CEP70: variants seen among roughly 807,000 people sequenced by gnomAD.
CEP70 encodes centrosomal protein of 70 kDa.
CEP70 carries 70 observed loss-of-function variants against 90.9 expected under a neutral mutation model. That is an observed-to-expected ratio of 0.77 (90% CI 0.64 to 0.94). CEP70 has a LOEUF of 0.94. CEP70 is among the 40% of genes least tolerant of loss of function. CEP70 has a pLI of 0.00. For synonymous variants in CEP70, 220 were observed against 228.3 expected, an observed-to-expected ratio of 0.96 and a Z score of 0.33; for missense variants, 648 against 669.0, an observed-to-expected ratio of 0.97 and a Z score of 0.35.
intron 6 of CEP70, among the ~76,000 whole-genome samples, chr3:138,553,669 A>G (rs1266076861): frequency 3.9e-5 from 6 of 152,200 alleles, no homozygotes; most frequent in Admixed American, 6.5e-5. Context: ...TAACAAAAAA[A>G]GAAAACTACA....
In CEP70 at chr3:138,542,576, G is replaced by C. The variant is rs117774071; in HGVS notation, c.466-5229C>G. Among the ~76,000 whole-genome samples the C allele has an allele frequency of 1.8e-4, 28 of 152,322 alleles. No homozygotes were observed. In the East Asian group the frequency reaches 4.6e-3, roughly 25 times the overall value. On this transcript the variant is annotated intron_variant, in intron 6 of 17. Coordinates refer to ENST00000264982, the MANE Select transcript of CEP70 (RefSeq NM_024491.4). ...CCTGGCCCCACAGCTGCTTCCCATTGCATGGCGCAGCCACCAGGTGCCAGT... is the reference window on the plus strand; with the variant it reads ...CCTGGCCCCACAGCTGCTTCCCATTCCATGGCGCAGCCACCAGGTGCCAGT...
chr3:138,562,009 CA>C (rs1384988243), intron 6 of CEP70, among the ~76,000 whole-genome samples: 1 of 128,852 alleles, frequency 7.8e-6, no homozygotes, highest in Non-Finnish European at 1.6e-5. Context: ...GGCGACAATG[CA>C]AGACGCCGTC....
intron 1 of CEP70, among the ~76,000 whole-genome samples, chr3:138,592,432 T>C (rs1038968953): frequency 1.3e-5 from 2 of 152,092 alleles, no homozygotes; most frequent in Admixed American, 6.5e-5. Context: ...CTACAGGCTG[T>C]GACAGGACAA....
intron 6 of CEP70, among the ~76,000 whole-genome samples, chr3:138,565,610 T>C (rs981512696): frequency 8.5e-5 from 13 of 152,172 alleles, no homozygotes; most frequent in Non-Finnish European, 1.6e-4. Context: ...ATTTAATAAA[T>C]GGTGCTGGGA....
Position 138,536,236 on chromosome 3 carries a change from T to A in CEP70, c.635+942A>T, listed in dbSNP as rs148311820. On this transcript the variant is annotated intron_variant, in intron 7 of 17. Coordinates refer to ENST00000264982, the MANE Select transcript of CEP70 (RefSeq NM_024491.4). ...TACTACTTATATTGCTAAAAATAAC[T>A]CTAAACATTTAAAATCAATTACCTA... 5.6e-3 allele frequency among the ~76,000 whole-genome samples: 855 copies of A among 152,140 alleles called. 7 individuals are homozygous for A. The highest frequency in any genetic ancestry group is 0.02 in the African/African-American group (823 of 41,518).
chr3:138,591,583 T>A lies in CEP70; in HGVS notation c.-6+271A>T, dbSNP rs142617060. Among the ~76,000 whole-genome samples, 4 of 152,010 alleles carry A rather than the reference T, an allele frequency of 2.6e-5. No individual in the cohort carries two copies. The East Asian group carries it at 7.7e-4, about 29-fold the overall frequency. On this transcript the variant is annotated intron_variant, in intron 2 of 17. Transcript: ENST00000264982. ...GCTCACGAGTTAAAGATTAGAAGAG[T>A]TAATATAGAAAGAACATAAAGCATT...
At chr3:138,546,010 T>A (rs1308337006) in intron 6 of CEP70, among the ~76,000 whole-genome samples, 2 of 152,192 alleles carry the variant, frequency 1.3e-5, no homozygotes, top group African/African-American at 4.8e-5. Flanking sequence ...CTTTGCCTTG[T>A]GATCTTTATT....
chr3:138,591,874 C>T lies in CEP70; in HGVS notation c.-26G>A. The T allele has an allele frequency of 6.6e-7, 1 of 1,521,626 alleles. No individual in the cohort carries two copies. The highest frequency in any genetic ancestry group is 8.8e-7 in the Non-Finnish European group (1 of 1,140,536). 94.3% of individuals were successfully genotyped at this position (1,521,626 alleles called of 1,614,324 possible). A position where few individuals can be genotyped will look rare whatever the true frequency, so the allele number is the denominator to read the frequency against. The stretch of plus-strand genomic sequence containing the variant: ...CATACCTCAGTCATAGCATATTACT[C>T]TTGCACTTTACACCTGGTCATTCAG... On this transcript the variant is annotated 5_prime_UTR_variant, in exon 2 of 18. Coordinates refer to ENST00000264982, the MANE Select transcript of CEP70 (RefSeq NM_024491.4).
rs745919333 is a variant in CEP70 at position 138,537,350 on chromosome 3, A to G, written c.466-3T>C. 7.0e-6 allele frequency: 11 copies of G among 1,569,390 alleles called. No individual in the cohort carries two copies. Among genetic ancestry groups the G allele is most frequent in the Admixed American group, 5.8e-5 (3 of 51,906 alleles). ...TTCTTATAATGCTGGCACTTCACCT[A>G]TAAGATATTTTTTAAAAACATGATT... is the stretch of plus-strand genomic sequence containing the variant. On this transcript the variant is annotated splice_polypyrimidine_tract_variant and splice_region_variant and intron_variant, in intron 6 of 17. Transcript: ENST00000264982.
intron 11 of CEP70, among the ~76,000 whole-genome samples, chr3:138,511,361 G>C (rs1417609038): frequency 2.0e-5 from 3 of 152,144 alleles, no homozygotes; most frequent in African/African-American, 7.2e-5. Context: ...TCACAGTTTT[G>C]CCTAAAGGCA....
chr3:138,559,413 G>T (rs146702687), intron 6 of CEP70, among the ~76,000 whole-genome samples: 1 of 152,108 alleles, frequency 6.6e-6, no homozygotes, highest in African/African-American at 2.4e-5. Flanking sequence ...AAGAAAACTC[G>T]CCTAGGCACA....
chr3:138,542,370 AGAGCCCTGGCTCTGG>A (rs1310603701), intron 6 of CEP70, among the ~76,000 whole-genome samples: 3 of 152,262 alleles, frequency 2.0e-5, no homozygotes, highest in African/African-American at 7.2e-5. Context: ...AGAGTGTGTC[AGAGCCCTGGCTCTGG>A]GAGCCCTGAG....
chr3:138,547,918 A>T (rs188362772), intron 6 of CEP70, among the ~76,000 whole-genome samples: 1 of 152,314 alleles, frequency 6.6e-6, no homozygotes, highest in East Asian at 1.9e-4. Context: ...ATATTTTTGA[A>T]CTGCAATTGA....
chr3:138,530,133 C>T (rs1162529298), intron 8 of CEP70, among the ~76,000 whole-genome samples: 1 of 152,208 alleles, frequency 6.6e-6, no homozygotes, highest in Non-Finnish European at 1.5e-5. Context: ...TCTTGATTAA[C>T]TATCACTGTG....
At chr3:138,586,595 T>C (rs964239124) in intron 2 of CEP70, among the ~76,000 whole-genome samples, 3 of 152,190 alleles carry the variant, frequency 2.0e-5, no homozygotes, top group African/African-American at 4.8e-5. Flanking sequence ...AAACATCACA[T>C]GTTCTCATTT....
chr3:138,505,436 G>A lies in CEP70; in HGVS notation c.1080C>T (p.His360=). The A allele has an allele frequency of 6.2e-7, 1 of 1,605,900 alleles. No individual in the cohort carries two copies. Among genetic ancestry groups the A allele is most frequent in the Non-Finnish European group, 8.5e-7 (1 of 1,177,122 alleles). ...QVLCSINSII[H]NPRAPVIIYK... ...AAATTATTACTGGAGCTCTTGGATT[G>A]TGGATAATTGAATTGATGCTACACA... The change falls in exon 13 of 18, where the codon CAC becomes CAT. Residue 360 remains histidine (H), a synonymous_variant. Transcript: ENST00000264982.
chr3:138,503,458 A>C (rs1048506305), intron 13 of CEP70, among the ~76,000 whole-genome samples: 6 of 152,144 alleles, frequency 3.9e-5, no homozygotes, highest in African/African-American at 1.4e-4. Context: ...ATTTAACCTG[A>C]GGGAAAAAAC....
At chr3:138,588,473 A>T (rs2042216704) in intron 2 of CEP70, among the ~76,000 whole-genome samples, 1 of 152,228 alleles carries the variant, frequency 6.6e-6, no homozygotes, top group South Asian at 2.1e-4. Flanking sequence ...TACAGATGGC[A>T]GCTAGGCACA....
rs186864288 is a variant in CEP70, at chr3:138,567,172, A to G, written c.465+3146T>C. 1.6e-4 allele frequency among the ~76,000 whole-genome samples: 25 copies of G among 152,350 alleles called. No homozygotes were observed. The East Asian group carries it at 4.8e-3, about 29-fold the overall frequency. ...ATTGTCTTTTCCCAAAAGTCTTTCAATATACCTCAAACATTTGCAAATTTC... is the reference window on the plus strand; with the variant it reads ...ATTGTCTTTTCCCAAAAGTCTTTCAGTATACCTCAAACATTTGCAAATTTC... On this transcript the variant is annotated intron_variant, in intron 6 of 17. Transcript: ENST00000264982.
Sources: allele counts gnomAD v4.1 joint callset (sites outside exome capture counted in the v4.1 genomes callset), GRCh38; gene constraint gnomAD v4.1.1; transcripts MANE v1.5; gene names NCBI Gene and HGNC (gene_info 2026-07-23, HGNC 2026-07-21).